EIF5A2: variants seen among roughly 807,000 people sequenced by gnomAD.
The protein encoded by EIF5A2 is eukaryotic translation initiation factor 5A-2.
EIF5A2 carries 15 observed loss-of-function variants against 16.4 expected under a neutral mutation model. The ratio of observed to expected loss-of-function variants is 0.92; its 90% CI spans 0.61 to 1.41. The LOEUF (loss-of-function observed/expected upper bound fraction) is 1.41, where lower values mean the gene tolerates loss of function less well. Ranked by LOEUF, EIF5A2 falls within the 40% of genes most tolerant of loss-of-function variation. EIF5A2 has a pLI of 0.00. For synonymous variants in EIF5A2, 48 were observed against 61.1 expected (o/e 0.79, Z 1.00); for missense variants, 144 against 189.5 (o/e 0.76, Z 1.41).
chr3:170,897,491 C>T (rs1468305338), intron 3 of EIF5A2, among the ~76,000 whole-genome samples: 1 of 152,204 alleles, frequency 6.6e-6, no homozygotes. Flanking sequence ...GCCACTCCAG[C>T]TCCAGCTGTG....
At chr3:170,901,341 G>A (rs757279081) in intron 3 of EIF5A2, among the ~76,000 whole-genome samples, 3 of 152,184 alleles carry the variant, frequency 2.0e-5, no homozygotes, top group African/African-American at 4.8e-5. Context: ...AATAAGCACT[G>A]TAACCACTAA....
chr3:170,907,665 T>G lies in EIF5A2; in HGVS notation c.142A>C (p.Thr48Pro). The change falls in exon 2 of 5, where the codon ACT (threonine) becomes CCT (proline). Residue 48 changes from threonine to proline, a missense_variant. By Grantham distance (38) the Thr-to-Pro change is conservative. Transcript: ENST00000295822. ...CKIVEMSTSK[T>P]GKHGHAKVHL... Reference sequence around the variant, plus strand: ...ACCTTGGCATGACCATGCTTTCCAGTTTTGGAAGTTGACATCTCCACTATT... The same window carrying G: ...ACCTTGGCATGACCATGCTTTCCAGGTTTGGAAGTTGACATCTCCACTATT... 1 of 1,605,340 alleles carries G rather than the reference T, an allele frequency of 6.2e-7. No individual in the cohort carries two copies. The highest frequency in any genetic ancestry group is 1.1e-5 in the South Asian group (1 of 90,518).
At chr3:170,901,886 A>G (rs1712824730) in intron 3 of EIF5A2, among the ~76,000 whole-genome samples, 1 of 152,002 alleles carries the variant, frequency 6.6e-6, no homozygotes, top group South Asian at 2.1e-4. Flanking sequence ...ACTTCCTTAG[A>G]GTTGCTGGTC....
chr3:170,907,908 A>G, intron 1 of EIF5A2, 67 bp from the exon 2 acceptor site: 1 of 1,272,246 alleles, frequency 7.9e-7, no homozygotes, highest in Non-Finnish European at 1.1e-6. Context: ...CTCATTTCGG[A>G]CAAGTTATGT....
In EIF5A2 at chr3:170,891,407, AAC is replaced by A. The variant is rs1400160673; in HGVS notation, c.*1951_*1952del. The A allele has an allele frequency of 6.6e-6, 1 of 152,644 alleles. No homozygotes were observed. Among genetic ancestry groups the A allele is most frequent in the Non-Finnish European group, 1.5e-5 (1 of 68,024 alleles). The allele number at this position is 152,644 out of a possible 1,614,324, so 9.5% of individuals were successfully genotyped here. ...CTAAAATGTTGTAGGAAAGACGACT[AAC>A]TACTACCTCACTATTTCTTGTGCTT... On this transcript the variant is annotated 3_prime_UTR_variant, in exon 5 of 5. Coordinates refer to ENST00000295822, the MANE Select transcript of EIF5A2 (RefSeq NM_020390.6).
intron 3 of EIF5A2, among the ~76,000 whole-genome samples, chr3:170,896,606 T>A (rs1712680236): frequency 6.6e-6 from 1 of 152,206 alleles, no homozygotes; most frequent in Non-Finnish European, 1.5e-5. Context: ...CTGCCGTGGT[T>A]CCTGAGGCCT....
rs1028990217 is a variant in EIF5A2 at position 170,891,011 on chromosome 3, T to C, written c.*2349A>G. 2 of 152,626 alleles carry C rather than the reference T, an allele frequency of 1.3e-5. No homozygotes were observed. Among genetic ancestry groups the C allele is most frequent in the African/African-American group, 2.4e-5 (1 of 41,458 alleles). The allele number at this position is 152,626 out of a possible 1,614,324, so 9.5% of individuals were successfully genotyped here. On this transcript the variant is annotated 3_prime_UTR_variant, in exon 5 of 5. Transcript: ENST00000295822. The stretch of plus-strand genomic sequence containing the variant: ...ATATTACTTAAAATGAAAATATTTA[T>C]GCATAAATAGCGTTTGCCATTCAAA...
intron 3 of EIF5A2, among the ~76,000 whole-genome samples, chr3:170,904,803 T>C (rs1712895306): frequency 6.6e-6 from 1 of 152,250 alleles, no homozygotes; most frequent in Admixed American, 6.5e-5. Context: ...TACTGAATAC[T>C]TTCTATGCCA....
At position 170,891,660 on chromosome 3, in the gene EIF5A2, G is replaced by A. The variant is rs1463901201; in HGVS notation, c.*1700C>T. On this transcript the variant is annotated 3_prime_UTR_variant, in exon 5 of 5. Transcript: ENST00000295822. ...AAGGGCTTTTTAGAGGTCAAGGCAT[G>A]ATGGGAGAGGTCTAAGAGCCAGTCT... The A allele has an allele frequency of 6.6e-6, 1 of 152,550 alleles. No homozygotes were observed. Among genetic ancestry groups the A allele is most frequent in the Non-Finnish European group, 1.5e-5 (1 of 68,028 alleles). 9.4% of individuals were successfully genotyped at this position (152,550 alleles called of 1,614,324 possible).
rs1172971446 is a variant in EIF5A2 at position 170,893,367 on chromosome 3, C to A, written c.455G>T (p.Cys152Phe). 2 of 1,613,734 alleles carry A rather than the reference C, an allele frequency of 1.2e-6. No individual in the cohort carries two copies. The highest frequency in any genetic ancestry group is 2.7e-5 in the African/African-American group (2 of 74,894). Reference sequence around the variant, plus strand: ...CATGCCTGATGTTTCCGTTTATTTGCAGGGTTTTATGGCTACAGCATATTC... The same window carrying A: ...CATGCCTGATGTTTCCGTTTATTTGAAGGGTTTTATGGCTACAGCATATTC... ...SEEYAVAIKPCK is the reference protein window; with the variant it reads ...SEEYAVAIKPFK Residue 152 changes from cysteine to phenylalanine, a missense_variant, in exon 5 of 5, where the codon TGC (cysteine) becomes TTC (phenylalanine). Coordinates refer to ENST00000295822, the MANE Select transcript of EIF5A2 (RefSeq NM_020390.6).
Position 170,895,018 on chromosome 3 carries a change from T to G in EIF5A2, c.271-595A>C, listed in dbSNP as rs1466063853. Among the ~76,000 whole-genome samples the G allele has an allele frequency of 4.9e-5, 6 of 123,300 alleles. No individual in the cohort carries two copies. In the East Asian group the frequency reaches 9.2e-4, roughly 19 times the overall value. 80.9% of individuals were successfully genotyped at this position (123,300 alleles called of 152,430 possible). On this transcript the variant is annotated intron_variant, in intron 3 of 4. Transcript: ENST00000295822. ...TCCAGCCTGGGCGACAGAGCGAGAC[T>G]CTGTCTCAAAAAAAAAAAAAAAAAA...
intron 3 of EIF5A2, among the ~76,000 whole-genome samples, chr3:170,902,771 A>G (rs13087934): frequency 0.24 from 36,479 of 151,500 alleles, 4,429 homozygotes; most frequent in Middle Eastern, 0.29. Flanking sequence ...ACCACGCCTG[A>G]CTAATTTATG....
chr3:170,907,933 G>T, intron 1 of EIF5A2, 92 bp from the exon 2 acceptor site: 1 of 1,007,574 alleles, frequency 9.9e-7, no homozygotes, highest in Non-Finnish European at 1.4e-6. Context: ...AGCATCATGG[G>T]CCCGTTATTT....
chr3:170,899,778 T>C (rs1450782058), intron 3 of EIF5A2, among the ~76,000 whole-genome samples: 1 of 151,996 alleles, frequency 6.6e-6, no homozygotes, highest in Non-Finnish European at 1.5e-5. Flanking sequence ...CCCAAGCATA[T>C]TTTTGTGCAA....
At position 170,892,721 on chromosome 3, in the gene EIF5A2, T is replaced by C. The variant is rs1218152536; in HGVS notation, c.*639A>G. On this transcript the variant is annotated 3_prime_UTR_variant, in exon 5 of 5. Coordinates refer to ENST00000295822, the MANE Select transcript of EIF5A2 (RefSeq NM_020390.6). ...TGCTAACTAACTTTCACCCAACAGTTCAGTGCCCTTCTGCCAACCATAAGA... is the reference window on the plus strand; with the variant it reads ...TGCTAACTAACTTTCACCCAACAGTCCAGTGCCCTTCTGCCAACCATAAGA... The C allele has an allele frequency of 5.0e-6, 2 of 398,454 alleles. No homozygotes were observed. Among genetic ancestry groups the C allele is most frequent in the Non-Finnish European group, 8.8e-6 (2 of 226,040 alleles). The allele number at this position is 398,454 out of a possible 1,614,324, so 24.7% of individuals were successfully genotyped here. A position where few individuals can be genotyped will look rare whatever the true frequency, so the allele number is the denominator to read the frequency against.
Position 170,907,707 on chromosome 3 carries a change from T to G in EIF5A2, c.100A>C (p.Lys34Gln). The G allele has an allele frequency of 3.1e-6, 5 of 1,611,478 alleles. No homozygotes were observed. Among genetic ancestry groups the G allele is most frequent in the Non-Finnish European group, 4.2e-6 (5 of 1,177,868 alleles). The change falls in exon 2 of 5, where the codon AAA becomes CAA. Residue 34 changes from lysine (K) to glutamine (Q), a missense_variant. Physicochemically the swap from Lys to Gln is moderately conservative, Grantham distance 53 (BLOSUM62 1). Transcript: ENST00000295822. ...ALRKNGFVVLKGRPCKIVEMS... is the reference protein window; with the variant it reads ...ALRKNGFVVLQGRPCKIVEMS... ...TCCACTATTTTGCATGGTCGTCCTT[T>G]GAGCACCACGAAGCCGTTTTTGCGC...
rs6792592 is a variant in EIF5A2, at chr3:170,892,470, A to G, written c.*890T>C. On this transcript the variant is annotated 3_prime_UTR_variant, in exon 5 of 5. Transcript: ENST00000295822. ...AAAAGGAAGTTGGAAAGGAGTATTT[A>G]CTGATAAATATTACTATTTATTCAA... 0.057 allele frequency: 13,899 copies of G among 243,570 alleles called. 500 individuals are homozygous for G. The highest frequency in any genetic ancestry group is 0.072 in the African/African-American group (3,182 of 44,212). The allele number at this position is 243,570 out of a possible 1,614,324, so 15.1% of individuals were successfully genotyped here.
intron 3 of EIF5A2, among the ~76,000 whole-genome samples, chr3:170,895,597 G>A (rs1269405293): frequency 6.6e-6 from 1 of 152,072 alleles, no homozygotes; most frequent in African/African-American, 2.4e-5. Flanking sequence ...ATATAACCCA[G>A]GCATATCGTT....
intron 3 of EIF5A2, among the ~76,000 whole-genome samples, chr3:170,899,424 T>A (rs1257761051): frequency 1.3e-5 from 2 of 152,204 alleles, no homozygotes; most frequent in East Asian, 3.9e-4. Context: ...ATTTTTTTAA[T>A]TTTTATTTTT....
Sources: allele counts gnomAD v4.1 joint callset (sites outside exome capture counted in the v4.1 genomes callset), GRCh38; gene constraint gnomAD v4.1.1; transcripts MANE v1.5; gene names NCBI Gene and HGNC (gene_info 2026-07-23, HGNC 2026-07-21).